The following PCDH15 variants were observed in gnomAD, a reference collection of about 807,000 sequenced individuals.
The protein encoded by PCDH15 is protocadherin-15.
A neutral mutation model predicts 178.5 loss-of-function variants in PCDH15; 129 were observed. The observed-to-expected ratio is 0.72, with a 90% CI of 0.63 to 0.84. The LOEUF is 0.84. Among genes scored for constraint, PCDH15 ranks in the 40% least tolerant of loss-of-function variants. The pLI is 0.00. For missense variants in PCDH15, 2,230 were observed against 2,099.9 expected (o/e 1.06, Z -1.21); for synonymous variants, 800 against 732.0 (o/e 1.09, Z -1.50).
chr10:53,869,353 G>A (rs1047784973), intron 26 of PCDH15, among the ~76,000 whole-genome samples: 3 of 152,090 alleles, frequency 2.0e-5, no homozygotes, highest in African/African-American at 7.2e-5. Context: ...GATAGCATAA[G>A]ATAGAAAAAG....
intron 1 of PCDH15, among the ~76,000 whole-genome samples, chr10:54,760,231 C>T (rs1947694517): frequency 6.6e-6 from 1 of 151,892 alleles, no homozygotes; most frequent in Non-Finnish European, 1.5e-5. Context: ...CCAGAATATA[C>T]TTTACAAATT....
intron 29 of PCDH15, among the ~76,000 whole-genome samples, chr10:53,840,069 T>C (rs941360019): frequency 4.6e-5 from 7 of 152,216 alleles, no homozygotes; most frequent in African/African-American, 1.7e-4. Flanking sequence ...GAGCTGTTCC[T>C]TGTTCTTAAG....
In PCDH15 at chr10:54,195,884, T is replaced by C. The variant is rs1268297265; in HGVS notation, c.1104A>G (p.Glu368=). ...CAGGAAGAGGATGACCATTGTCTTG[T>C]TCAGCCTAAAATTGAAAAGAAAAGA... The part of the protein sequence containing the change: ...HQKFDLVIKA[E]QDNGHPLPAF... The change falls in exon 11 of 38, where the codon GAA becomes GAG. Residue 368 remains glutamate, a synonymous_variant. Coordinates refer to ENST00000644397, the MANE Select transcript of PCDH15 (RefSeq NM_001384140.1). 1 of 1,613,122 alleles carries C rather than the reference T, an allele frequency of 6.2e-7. No homozygotes were observed. The highest frequency in any genetic ancestry group is 2.2e-5 in the East Asian group (1 of 44,878).
intron 2 of PCDH15, among the ~76,000 whole-genome samples, chr10:55,031,579 G>A (rs1475350753): frequency 6.6e-6 from 1 of 152,148 alleles, no homozygotes; most frequent in Non-Finnish European, 1.5e-5. Flanking sequence ...GGAAAGGAGG[G>A]GCTGTGGTTT....
At chr10:54,497,851 G>A (rs2080278765) in intron 3 of PCDH15, among the ~76,000 whole-genome samples, 1 of 152,040 alleles carries the variant, frequency 6.6e-6, no homozygotes, top group Admixed American at 6.6e-5. Flanking sequence ...TGAAAGAGTT[G>A]GAGGGAGAGC....
At chr10:54,880,525 C>A (rs866559617) in intron 3 of PCDH15, among the ~76,000 whole-genome samples, 1 of 150,910 alleles carries the variant, frequency 6.6e-6, no homozygotes, top group African/African-American at 2.4e-5. Flanking sequence ...TGTTTAAAAC[C>A]CTAAAGTTGG....
At chr10:55,367,701 G>A (rs1163535510) in intron 2 of PCDH15, among the ~76,000 whole-genome samples, 2 of 152,122 alleles carry the variant, frequency 1.3e-5, no homozygotes, top group Non-Finnish European at 2.9e-5. Flanking sequence ...AGAAGCAAAG[G>A]AAACATTTGA....
At chr10:54,296,398 G>C (rs1372371397) in intron 8 of PCDH15, among the ~76,000 whole-genome samples, 1 of 151,828 alleles carries the variant, frequency 6.6e-6, no homozygotes, top group Non-Finnish European at 1.5e-5. Context: ...AACTCTCAAA[G>C]ACATGTCGCC....
chr10:54,665,230 C>T (rs1347487038), intron 1 of PCDH15, among the ~76,000 whole-genome samples: 2 of 151,888 alleles, frequency 1.3e-5, no homozygotes, highest in Admixed American at 6.6e-5. Context: ...TCTAAAGAGA[C>T]CAGCTGGTGC....
At chr10:55,305,075 C>T (rs942271928) in intron 1 of PCDH15, among the ~76,000 whole-genome samples, 14 of 152,120 alleles carry the variant, frequency 9.2e-5, no homozygotes, top group African/African-American at 2.9e-4. Context: ...TTCCATATTC[C>T]ATCCAGAACA....
chr10:55,058,134 A>C (rs1841349654), intron 2 of PCDH15, among the ~76,000 whole-genome samples: 1 of 152,190 alleles, frequency 6.6e-6, no homozygotes. Flanking sequence ...ATATTCATTC[A>C]AATGCATCCA....
intron 2 of PCDH15, among the ~76,000 whole-genome samples, chr10:55,602,822 G>C (rs190032827): frequency 1.1e-3 from 163 of 152,290 alleles, no homozygotes; most frequent in African/African-American, 3.8e-3. Flanking sequence ...ACTCTAAAAA[G>C]CAGAGTGCCT....
chr10:54,795,202 C>T (rs1252077884), intron 1 of PCDH15, among the ~76,000 whole-genome samples: 1 of 151,620 alleles, frequency 6.6e-6, no homozygotes, highest in African/African-American at 2.4e-5. Flanking sequence ...TTTTCCTTGT[C>T]CTTGGTCGAT....
chr10:55,534,905 C>T (rs1841536968), intron 2 of PCDH15, among the ~76,000 whole-genome samples: 1 of 152,046 alleles, frequency 6.6e-6, no homozygotes, highest in African/African-American at 2.4e-5. Flanking sequence ...AAAATCATGT[C>T]CTTCACAGCC....
chr10:54,661,548 A>T (rs184889037), intron 2 of PCDH15, among the ~76,000 whole-genome samples: 209 of 152,068 alleles, frequency 1.4e-3, no homozygotes, highest in Middle Eastern at 0.01. Flanking sequence ...ATTATAAAAA[A>T]AAATTCTAAA....
intron 2 of PCDH15, among the ~76,000 whole-genome samples, chr10:55,350,228 CATAT>C (rs869240598): frequency 0.036 from 2,622 of 73,074 alleles, 88 homozygotes; most frequent in African/African-American, 0.07. Context: ...TATATAAACT[CATAT>C]ATATATATAT....
chr10:53,929,600 A>G (rs1381884250), intron 25 of PCDH15, among the ~76,000 whole-genome samples: 1 of 152,186 alleles, frequency 6.6e-6, no homozygotes, highest in Non-Finnish European at 1.5e-5. Flanking sequence ...TCAGTCAATC[A>G]TAGGTAAAGA....
intron 20 of PCDH15, among the ~76,000 whole-genome samples, chr10:54,009,487 T>TA (rs1288038318): frequency 9.9e-5 from 15 of 152,122 alleles, no homozygotes; most frequent in Admixed American, 4.6e-4. Context: ...AGGTCAAGTG[T>TA]AAAAAAAGAC....
chr10:55,355,086 C>T (rs146283452), intron 2 of PCDH15, among the ~76,000 whole-genome samples: 189 of 151,930 alleles, frequency 1.2e-3, no homozygotes, highest in African/African-American at 3.9e-3. Flanking sequence ...ATAAATAGTC[C>T]ATTCATTTTT....
Sources: gnomAD v4.1 joint callset for allele counts (sites outside exome capture counted in the v4.1 genomes callset) on GRCh38, gnomAD v4.1.1 for gene constraint, MANE v1.5 for transcripts, NCBI Gene and HGNC (gene_info 2026-07-23, HGNC 2026-07-21) for gene names.